RADIL: variants seen among roughly 807,000 people sequenced by gnomAD.
RADIL encodes Rap associating with DIL domain.
In RADIL, 99 loss-of-function variants were observed where a neutral mutation model predicts 97.6. That is an observed-to-expected ratio of 1.01 (90% CI 0.86 to 1.20). The LOEUF (loss-of-function observed/expected upper bound fraction) is 1.20. Among genes scored for constraint, RADIL ranks in the 50% most tolerant of loss-of-function variants. The pLI is 0.00. For synonymous variants in RADIL, 803 were observed against 691.8 expected, an observed-to-expected ratio of 1.16 and a Z score of -2.52; for missense variants, 1,765 against 1,498.9, an observed-to-expected ratio of 1.18 and a Z score of -2.93.
chr7:4,882,833 C>T (rs753126061), intron 1 of RADIL, among the ~76,000 whole-genome samples: 4 of 152,196 alleles, frequency 2.6e-5, no homozygotes, highest in Non-Finnish European at 4.4e-5. Flanking sequence ...AAGAGGTGGC[C>T]TATATTAACC....
intron 6 of RADIL, among the ~76,000 whole-genome samples, chr7:4,820,702 GC>G (rs1285578257): frequency 6.6e-6 from 1 of 152,172 alleles, no homozygotes; most frequent in Non-Finnish European, 1.5e-5. Context: ...TCCCCCAGGA[GC>G]GGGGGCCCCA....
chr7:4,826,515 G>A (rs879764143), intron 5 of RADIL, among the ~76,000 whole-genome samples: 1 of 151,670 alleles, frequency 6.6e-6, no homozygotes, highest in Admixed American at 6.6e-5. Context: ...GGTGGATCAT[G>A]TGAGGTCAGG....
chr7:4,869,307 AT>A (rs2115043154), intron 2 of RADIL, among the ~76,000 whole-genome samples: 1 of 151,902 alleles, frequency 6.6e-6, no homozygotes, highest in Non-Finnish European at 1.5e-5. Flanking sequence ...TAATTTTCAT[AT>A]TTTTCTGTAG....
intron 2 of RADIL, among the ~76,000 whole-genome samples, chr7:4,853,361 C>G (rs981479869): frequency 3.3e-5 from 5 of 152,168 alleles, no homozygotes; most frequent in African/African-American, 1.2e-4. Context: ...GTGGGCCTCA[C>G]CTAAACACAT....
chr7:4,805,922 C>T (rs147124749), intron 9 of RADIL: 21,849 of 985,380 alleles, frequency 0.022, 286 homozygotes, highest in Middle Eastern at 0.055. Flanking sequence ...CAGGGAGAGG[C>T]CGGCCAGTGC....
intron 12 of RADIL, among the ~76,000 whole-genome samples, chr7:4,800,833 A>C (rs1782058858): frequency 6.6e-6 from 1 of 152,188 alleles, no homozygotes; most frequent in African/African-American, 2.4e-5. Context: ...GCACCTGAGC[A>C]AGTGGCCTGC....
At position 4,834,974 on chromosome 7, in the gene RADIL, T is replaced by C. The variant is rs1783254421; in HGVS notation, c.1049A>G (p.Tyr350Cys). 1 of 1,610,032 alleles carries C rather than the reference T, an allele frequency of 6.2e-7. No homozygotes were observed. The highest frequency in any genetic ancestry group is 8.5e-7 in the Non-Finnish European group (1 of 1,178,794). The change falls in exon 4 of 15, where the codon TAC becomes TGC. Residue 350 changes from tyrosine to cysteine, a missense_variant. Coordinates refer to ENST00000399583, the MANE Select transcript of RADIL (RefSeq NM_018059.5). The surrounding 1 kb of genome is among the most constrained non-coding windows in gnomAD (Gnocchi z 6.0). ...HHGDLLSLGL[Y>C]YLLLFKDPAQ... Reference sequence around the variant, plus strand: ...GGGGTCCTTGAATAGCAGCAGGTAGTAGAGCCCCAGGGAGAGCAGGTCCCC... The same window carrying C: ...GGGGTCCTTGAATAGCAGCAGGTAGCAGAGCCCCAGGGAGAGCAGGTCCCC...
intron 2 of RADIL, among the ~76,000 whole-genome samples, chr7:4,864,751 C>T (rs577991047): frequency 3.0e-4 from 45 of 152,330 alleles, no homozygotes; most frequent in African/African-American, 1.0e-3. Context: ...AATCCCTCTA[C>T]TGCTTTCTAC....
At chr7:4,861,845 A>ACCACCGCGACCTTCACGTCCCCCT in intron 2 of RADIL, 1 of 1,390,886 alleles carries the variant, frequency 7.2e-7, no homozygotes, top group Non-Finnish European at 9.4e-7. Context: ...CACGTCCCCC[A>ACCACCGCGACCTTCACGTCCCCCT]CCACCGCGAC....
chr7:4,804,656 A>G (rs1050605755), intron 10 of RADIL, among the ~76,000 whole-genome samples: 1 of 152,040 alleles, frequency 6.6e-6, no homozygotes, highest in Non-Finnish European at 1.5e-5. Context: ...GCATGGTGGC[A>G]CACACCTGTA....
In RADIL at chr7:4,854,393, T is replaced by G. The variant is rs751344044; in HGVS notation, c.536-17788A>C. Among the ~76,000 whole-genome samples, 4 of 152,162 alleles carry G rather than the reference T, an allele frequency of 2.6e-5. No homozygotes were observed. Among genetic ancestry groups the G allele is most frequent in the Non-Finnish European group, 5.9e-5 (4 of 68,036 alleles). ...GGTGTTTGGTTTTTGTCATTGTTGATAAAGAGGTTACCACTTTGGGCCGGG... is the reference window on the plus strand; with the variant it reads ...GGTGTTTGGTTTTTGTCATTGTTGAGAAAGAGGTTACCACTTTGGGCCGGG... On this transcript the variant is annotated intron_variant, in intron 2 of 14. Coordinates refer to ENST00000399583, the MANE Select transcript of RADIL (RefSeq NM_018059.5). The surrounding 1 kb of genome is among the most constrained non-coding windows in gnomAD (Gnocchi z 5.1).
intron 2 of RADIL, among the ~76,000 whole-genome samples, chr7:4,876,958 A>G (rs1252758339): frequency 1.3e-5 from 2 of 152,254 alleles, no homozygotes; most frequent in Non-Finnish European, 2.9e-5. Flanking sequence ...ACAAGGTCGC[A>G]GGTGCTAAAG....
rs1474345536 is a variant in RADIL at position 4,800,297 on chromosome 7, G to A, written c.2856C>T (p.Ala952=). Residue 952 remains alanine, a synonymous_variant, in exon 13 of 15, where the codon GCC becomes GCT. Transcript: ENST00000399583. ...RGAAPEGDSA[A]LAEESPPAPS... ...GGGCTGGAGGGGACTCCTCCGCAAG[G>A]GCTGCAGAGTCTCCTGGGTGGGGGC... The A allele has an allele frequency of 6.8e-7, 1 of 1,475,976 alleles. No homozygotes were observed. The highest frequency in any genetic ancestry group is 1.8e-4 in the Middle Eastern group (1 of 5,538). The allele number at this position is 1,475,976 out of a possible 1,614,324, so 91.4% of individuals were successfully genotyped here.
chr7:4,855,620 T>TAA (rs760588803), intron 2 of RADIL, among the ~76,000 whole-genome samples: 17 of 88,170 alleles, frequency 1.9e-4, no homozygotes, highest in South Asian at 4.0e-4. Flanking sequence ...TTTATTTTTG[T>TAA]AAAAAAAAAA....
chr7:4,802,085 G>A (rs1410617588), intron 11 of RADIL, 90 bp from the exon 12 acceptor site: 39 of 1,137,586 alleles, frequency 3.4e-5, no homozygotes, highest in Admixed American at 1.5e-4. Flanking sequence ...CAGAAGGGCC[G>A]CCAGGCCGCG....
chr7:4,846,332 A>G (rs1413702445), intron 2 of RADIL, among the ~76,000 whole-genome samples: 2 of 151,552 alleles, frequency 1.3e-5, no homozygotes, highest in East Asian at 3.9e-4. Flanking sequence ...TTTTTAGGAG[A>G]GACGGGGTTT....
chr7:4,830,832 G>A (rs1019175666), intron 5 of RADIL, among the ~76,000 whole-genome samples: 7 of 152,072 alleles, frequency 4.6e-5, no homozygotes, highest in Non-Finnish European at 8.8e-5. Context: ...GGCTAACACG[G>A]TGAAACCCCG....
At chr7:4,871,761 C>T (rs1379630085) in intron 2 of RADIL, among the ~76,000 whole-genome samples, 5 of 152,206 alleles carry the variant, frequency 3.3e-5, no homozygotes, top group African/African-American at 1.2e-4. Context: ...GGCCTCCTCT[C>T]CTCAGGGCAC....
At chr7:4,860,426 T>C in intron 2 of RADIL, 3 of 1,614,220 alleles carry the variant, frequency 1.9e-6, no homozygotes, top group Non-Finnish European at 2.5e-6. Context: ...TGTGAAAGAC[T>C]GGATATCATA....
Sources: gnomAD v4.1 joint callset for allele counts (sites outside exome capture counted in the v4.1 genomes callset) on GRCh38, gnomAD v4.1.1 for gene constraint, Gnocchi (gnomAD v3.1) non-coding constraint, MANE v1.5 for transcripts, NCBI Gene and HGNC (gene_info 2026-07-23, HGNC 2026-07-21) for gene names.